The following PDE4B variants were observed in gnomAD, a reference collection of about 807,000 sequenced individuals.
The protein encoded by PDE4B is phosphodiesterase 4B.
A neutral mutation model predicts 82.2 loss-of-function variants in PDE4B; 20 were observed. The ratio of observed to expected loss-of-function variants is 0.24; its 90% confidence interval spans 0.17 to 0.35. The LOEUF is 0.35. Ranked by LOEUF, PDE4B falls within the 10% of genes least tolerant of loss-of-function variation. The probability of loss-of-function intolerance (pLI) is 1.00; values close to 1 mark genes in which losing one functional copy is unlikely to be tolerated. For missense variants in PDE4B, 655 were observed against 907.2 expected, an observed-to-expected ratio of 0.72 and a Z score of 3.57; for synonymous variants, 320 against 318.9, an observed-to-expected ratio of 1.00 and a Z score of -0.04.
At chr1:65,862,764 C>T (rs1471247110) in intron 1 of PDE4B, among the ~76,000 whole-genome samples, 1 of 152,108 alleles carries the variant, frequency 6.6e-6, no homozygotes, top group African/African-American at 2.4e-5. Flanking sequence ...CGGCTTCTTC[C>T]TGGTTTAATC....
intron 1 of PDE4B, among the ~76,000 whole-genome samples, chr1:65,876,003 T>C (rs533622421): frequency 3.1e-4 from 47 of 152,202 alleles, no homozygotes; most frequent in Admixed American, 5.2e-4. Context: ...CATATTGTAC[T>C]CTCATCTTCA....
At chr1:66,060,271 C>T (rs186603475) in intron 3 of PDE4B, among the ~76,000 whole-genome samples, 20 of 152,192 alleles carry the variant, frequency 1.3e-4, no homozygotes, top group East Asian at 1.2e-3. Context: ...CTAACTCTTT[C>T]GGTATTGTGC....
chr1:65,834,575 T>C (rs572262579), intron 1 of PDE4B, among the ~76,000 whole-genome samples: 1 of 152,348 alleles, frequency 6.6e-6, no homozygotes, highest in South Asian at 2.1e-4. Context: ...TGCCACAGAC[T>C]GTTCTAGAGA....
chr1:66,182,864 T>C (rs184281223), intron 3 of PDE4B, among the ~76,000 whole-genome samples: 8 of 152,342 alleles, frequency 5.3e-5, no homozygotes, highest in African/African-American at 1.9e-4. Context: ...GTTTTCTCCT[T>C]TACTGAATTT....
In PDE4B at chr1:66,307,533, G is replaced by A. The variant is rs138322802; in HGVS notation, c.635-24975G>A. On this transcript the variant is annotated intron_variant, in intron 7 of 16. Transcript: ENST00000341517. Reference sequence around the variant, plus strand: ...CAGTGAGGTAGAAAGTTGTGTTCTTGGTTAAAAGTTAGAGGATAGAAGTGG... The same window carrying A: ...CAGTGAGGTAGAAAGTTGTGTTCTTAGTTAAAAGTTAGAGGATAGAAGTGG... 2.6e-5 allele frequency among the ~76,000 whole-genome samples: 4 copies of A among 152,222 alleles called. No homozygotes were observed. The East Asian group carries it at 7.7e-4, about 29-fold the overall frequency.
intron 3 of PDE4B, among the ~76,000 whole-genome samples, chr1:65,958,806 T>C (rs909327595): frequency 1.3e-5 from 2 of 152,162 alleles, no homozygotes; most frequent in Non-Finnish European, 2.9e-5. Context: ...TGTTACCTTA[T>C]CTTTTTAACC....
At chr1:65,827,218 A>G (rs1241338070) in intron 1 of PDE4B, among the ~76,000 whole-genome samples, 1 of 152,078 alleles carries the variant, frequency 6.6e-6, no homozygotes, top group Non-Finnish European at 1.5e-5. Context: ...TCTACTGTCA[A>G]ATTTTTTGTT....
At chr1:66,204,616 C>T (rs373657365) in intron 3 of PDE4B, among the ~76,000 whole-genome samples, 56 of 152,280 alleles carry the variant, frequency 3.7e-4, no homozygotes, top group Non-Finnish European at 4.9e-4. Context: ...TAGCAATCAA[C>T]GAGACTCCAT....
At chr1:65,922,165 G>A (rs1300369538) in intron 3 of PDE4B, among the ~76,000 whole-genome samples, 1 of 152,178 alleles carries the variant, frequency 6.6e-6, no homozygotes, top group Non-Finnish European at 1.5e-5. Context: ...TAGCCTTTCA[G>A]ATGAGTTTCT....
chr1:66,022,917 G>A (rs1212564530), intron 3 of PDE4B, among the ~76,000 whole-genome samples: 3 of 152,036 alleles, frequency 2.0e-5, no homozygotes, highest in Non-Finnish European at 4.4e-5. Flanking sequence ...GGTGGATTTC[G>A]GCTGTGAATC....
intron 3 of PDE4B, chr1:66,050,433 T>A (rs143698585): frequency 6.6e-6 from 1 of 152,210 alleles, no homozygotes; most frequent in African/African-American, 2.4e-5. Flanking sequence ...TCTAAGAAAG[T>A]ATAATGGACA....
chr1:66,338,446 T>C (rs1660688242), intron 8 of PDE4B, among the ~76,000 whole-genome samples: 2 of 152,226 alleles, frequency 1.3e-5, no homozygotes, highest in South Asian at 4.1e-4. Flanking sequence ...AGGATGGCCA[T>C]TAATTGCCCT....
intron 7 of PDE4B, among the ~76,000 whole-genome samples, chr1:66,278,355 T>C (rs1373057232): frequency 6.6e-6 from 1 of 152,178 alleles, no homozygotes; most frequent in African/African-American, 2.4e-5. Context: ...TGAAATAACA[T>C]CCGTGGAACA....
At chr1:65,818,685 C>CACACACACATATATATATATATAT (rs141035147) in intron 1 of PDE4B, among the ~76,000 whole-genome samples, 6 of 143,764 alleles carry the variant, frequency 4.2e-5, no homozygotes, top group African/African-American at 1.5e-4. Flanking sequence ...CACACACACA[C>CACACACACATATATATATATATAT]ATATATATAT....
intron 1 of PDE4B, among the ~76,000 whole-genome samples, chr1:65,904,149 A>G (rs939809058): frequency 6.6e-6 from 1 of 152,172 alleles, no homozygotes; most frequent in Non-Finnish European, 1.5e-5. Context: ...GGGGTCTTTG[A>G]GTCTACATAG....
chr1:66,251,235 C>T (rs1385883575), intron 4 of PDE4B, among the ~76,000 whole-genome samples: 5 of 152,160 alleles, frequency 3.3e-5, no homozygotes, highest in Admixed American at 3.3e-4. Flanking sequence ...ATTTAATCTC[C>T]ATATCCCCAA....
chr1:66,243,750 A>G (rs1013492150), intron 3 of PDE4B, among the ~76,000 whole-genome samples: 2 of 152,238 alleles, frequency 1.3e-5, no homozygotes, highest in Non-Finnish European at 2.9e-5. Context: ...AATGCAAGAG[A>G]AGGCTGTTAA....
intron 1 of PDE4B, among the ~76,000 whole-genome samples, chr1:65,797,389 A>G (rs1243793366): frequency 6.6e-6 from 1 of 152,232 alleles, no homozygotes; most frequent in Non-Finnish European, 1.5e-5. Flanking sequence ...CTATTGTGTT[A>G]GAAGGCTCTG....
At chr1:66,292,306 T>C (rs1657146153) in intron 7 of PDE4B, among the ~76,000 whole-genome samples, 1 of 152,214 alleles carries the variant, frequency 6.6e-6, no homozygotes, top group African/African-American at 2.4e-5. Flanking sequence ...AACACATTCT[T>C]AGGCAGAGAT....
Sources: allele counts gnomAD v4.1 joint callset (sites outside exome capture counted in the v4.1 genomes callset), GRCh38; gene constraint gnomAD v4.1.1; transcripts MANE v1.5; gene names NCBI Gene and HGNC (gene_info 2026-07-23, HGNC 2026-07-21).